The following BMERB1 variants were observed in gnomAD, a reference collection of about 807,000 sequenced individuals.
The protein encoded by BMERB1 is bMERB domain-containing protein 1.
BMERB1 carries 12 observed loss-of-function variants against 23.6 expected under a neutral mutation model. The observed-to-expected ratio is 0.51, with a 90% CI of 0.33 to 0.82. The LOEUF is 0.82. Among genes scored for constraint, BMERB1 ranks in the 40% least tolerant of loss-of-function variants. The pLI is 0.03. For synonymous variants in BMERB1, 122 were observed against 96.6 expected (o/e 1.26, Z -1.54); for missense variants, 247 against 255.4 (o/e 0.97, Z 0.22).
chr16:15,562,853 C>T (rs1227119360), intron 2 of BMERB1, among the ~76,000 whole-genome samples: 1 of 152,192 alleles, frequency 6.6e-6, no homozygotes, highest in Admixed American at 6.5e-5. Context: ...GCAGCTGTCA[C>T]CTGCTAGGAC....
chr16:15,522,431 CCACACACA>C (rs67864782), intron 2 of BMERB1, among the ~76,000 whole-genome samples: 8 of 149,134 alleles, frequency 5.4e-5, no homozygotes, highest in South Asian at 2.1e-4. Context: ...GTGTTGAAAA[CCACACACA>C]CACACACACA....
At chr16:15,553,407 A>G (rs968467600) in intron 2 of BMERB1, among the ~76,000 whole-genome samples, 6 of 152,200 alleles carry the variant, frequency 3.9e-5, no homozygotes, top group East Asian at 1.9e-4. Context: ...CCAGGAGGTC[A>G]AGGCTGCAGT....
chr16:15,575,127 G>A (rs559993897), intron 3 of BMERB1, among the ~76,000 whole-genome samples: 1 of 152,110 alleles, frequency 6.6e-6, no homozygotes, highest in African/African-American at 2.4e-5. Flanking sequence ...CAGCAGAAAA[G>A]AATGGCATCC....
chr16:15,519,108 C>CACACACAA (rs58759398), intron 2 of BMERB1, among the ~76,000 whole-genome samples: 1 of 147,380 alleles, frequency 6.8e-6, no homozygotes, highest in Non-Finnish European at 1.5e-5. Context: ...CACACACACA[C>CACACACAA]GTGAGACACT....
At chr16:15,507,700 A>T (rs1033734704) in intron 1 of BMERB1, among the ~76,000 whole-genome samples, 1 of 152,196 alleles carries the variant, frequency 6.6e-6, no homozygotes, top group Non-Finnish European at 1.5e-5. Flanking sequence ...AGAAAGGAAC[A>T]GTCTAGCAGG....
In BMERB1 at chr16:15,461,615, A is replaced by AG. The variant is rs576815027; in HGVS notation, c.106+26858dup. On this transcript the variant is annotated intron_variant, in intron 1 of 5. Coordinates refer to ENST00000300006, the MANE Select transcript of BMERB1 (RefSeq NM_033201.3). ...GTGCTCAGACAGAAAAAATCCAGTT[A>AG]GGCTGCCAGTAAAAATACTAGATGT... 3.9e-3 allele frequency among the ~76,000 whole-genome samples: 587 copies of AG among 152,236 alleles called. 5 individuals carry two copies. Among genetic ancestry groups the AG allele is most frequent in the African/African-American group, 0.013 (555 of 41,550 alleles).
Position 15,577,951 on chromosome 16 carries a change from C to A in BMERB1, c.305-3266C>A, listed in dbSNP as rs74738930. On this transcript the variant is annotated intron_variant, in intron 3 of 5. Transcript: ENST00000300006. ...AACCGCTGATAACTTCAGGTGTTTT[C>A]TGTCTGTTGGGAGATGGCCTTTCCC... Among the ~76,000 whole-genome samples the A allele has an allele frequency of 7.4e-3, 1,124 of 152,332 alleles. 9 individuals are homozygous for A. The highest frequency in any genetic ancestry group is 0.022 in the South Asian group (104 of 4,824).
chr16:15,560,196 G>A (rs144390173), intron 2 of BMERB1, among the ~76,000 whole-genome samples: 4 of 152,302 alleles, frequency 2.6e-5, no homozygotes, highest in East Asian at 1.9e-4. Context: ...GCTCCACCTC[G>A]CTTGTCAATG....
rs558259134 is a variant in BMERB1 at position 15,571,813 on chromosome 16, C to T, written c.304+3757C>T. Reference sequence around the variant, plus strand: ...ATAAATCATCGTCCCTCCGCCCACCCGGAGACAAATGCACATTTGACTTCC... The same window carrying T: ...ATAAATCATCGTCCCTCCGCCCACCTGGAGACAAATGCACATTTGACTTCC... On this transcript the variant is annotated intron_variant, in intron 3 of 5. Coordinates refer to ENST00000300006, the MANE Select transcript of BMERB1 (RefSeq NM_033201.3). Among the ~76,000 whole-genome samples, 6 of 152,244 alleles carry T rather than the reference C, an allele frequency of 3.9e-5. No homozygotes were observed. The South Asian group carries it at 1.2e-3, about 32-fold the overall frequency.
intron 1 of BMERB1, among the ~76,000 whole-genome samples, chr16:15,455,180 C>T (rs928439848): frequency 1.3e-5 from 2 of 151,592 alleles, no homozygotes; most frequent in African/African-American, 4.8e-5. Flanking sequence ...AGACATTAGC[C>T]GGGCGTGGTG....
At chr16:15,467,270 A>G (rs549442955) in intron 1 of BMERB1, among the ~76,000 whole-genome samples, 2 of 152,214 alleles carry the variant, frequency 1.3e-5, no homozygotes, top group South Asian at 2.1e-4. Flanking sequence ...TTGCCAAACT[A>G]TTTTCTAGAG....
At chr16:15,440,567 T>C (rs1445294282) in intron 1 of BMERB1, among the ~76,000 whole-genome samples, 2 of 152,160 alleles carry the variant, frequency 1.3e-5, no homozygotes, top group Non-Finnish European at 2.9e-5. Flanking sequence ...TTTATTTTGG[T>C]TTTGCATCAT....
chr16:15,575,160 T>G (rs2030826961), intron 3 of BMERB1, among the ~76,000 whole-genome samples: 1 of 152,170 alleles, frequency 6.6e-6, no homozygotes, highest in African/African-American at 2.4e-5. Flanking sequence ...TGTGACTCCC[T>G]CCAGGCCTCT....
intron 2 of BMERB1, among the ~76,000 whole-genome samples, chr16:15,519,409 G>A (rs191979645): frequency 1.3e-5 from 2 of 152,048 alleles, no homozygotes; most frequent in Admixed American, 1.3e-4. Context: ...TTTATTTCTT[G>A]TGACAGAGTC....
intron 3 of BMERB1, among the ~76,000 whole-genome samples, chr16:15,575,852 T>G (rs547638091): frequency 3.3e-4 from 50 of 152,106 alleles, no homozygotes; most frequent in Non-Finnish European, 5.3e-4. Flanking sequence ...AGATATACTT[T>G]CAATTTCTCA....
At chr16:15,458,598 T>G (rs574217388) in intron 1 of BMERB1, among the ~76,000 whole-genome samples, 1 of 151,824 alleles carries the variant, frequency 6.6e-6, no homozygotes, top group East Asian at 2.0e-4. Context: ...ACACCTGTAG[T>G]TCCAGCTACT....
intron 1 of BMERB1, among the ~76,000 whole-genome samples, chr16:15,460,720 T>C (rs989893406): frequency 1.3e-5 from 2 of 152,148 alleles, no homozygotes; most frequent in African/African-American, 4.8e-5. Flanking sequence ...AGTTACAGGG[T>C]TTCCAAAATG....
chr16:15,581,190 G>A, intron 3 of BMERB1, 27 bp from the exon 4 acceptor site: 1 of 1,568,318 alleles, frequency 6.4e-7, no homozygotes, highest in African/African-American at 1.3e-5. Context: ...ATGCTCATCT[G>A]TCTCCTTGTT....
rs367865833 is a variant in BMERB1 at position 15,503,488 on chromosome 16, C to T, written c.107-11817C>T. ...TTTGTATTTGTATTTGTAGTAGAGA[C>T]GGCGTTTCACCGTGTTATCCAGGAT... On this transcript the variant is annotated intron_variant, in intron 1 of 5. Transcript: ENST00000300006. Among the ~76,000 whole-genome samples the T allele has an allele frequency of 1.2e-4, 18 of 146,378 alleles. No individual in the cohort carries two copies. In the East Asian group the frequency reaches 2.0e-3, roughly 16 times the overall value.
Sources: allele counts gnomAD v4.1 joint callset (sites outside exome capture counted in the v4.1 genomes callset), GRCh38; gene constraint gnomAD v4.1.1; transcripts MANE v1.5; gene names NCBI Gene and HGNC (gene_info 2026-07-23, HGNC 2026-07-21).